MANEA: variants seen among roughly 807,000 people sequenced by gnomAD.
MANEA encodes the protein mannosidase endo-alpha.
A neutral mutation model predicts 36.8 loss-of-function variants in MANEA; 25 were observed. The ratio of observed to expected loss-of-function variants is 0.68; its 90% CI spans 0.50 to 0.95. MANEA has a LOEUF of 0.95. Among genes scored for constraint, MANEA ranks in the 40% least tolerant of loss-of-function variants. MANEA has a pLI of 0.00. For missense variants in MANEA, 565 were observed against 558.8 expected (o/e 1.01, Z -0.11); for synonymous variants, 198 against 188.5 (o/e 1.05, Z -0.41).
In MANEA at chr6:95,606,445, T is replaced by G. The variant is rs780620663; in HGVS notation, c.*40T>G. 3 of 1,451,090 alleles carry G rather than the reference T, an allele frequency of 2.1e-6. No homozygotes were observed. The highest frequency in any genetic ancestry group is 1.4e-5 in the African/African-American group (1 of 70,454). The allele number at this position is 1,451,090 out of a possible 1,614,324, so 89.9% of individuals were successfully genotyped here. ...TTTAATAGTTATCAAAATCACCTAATTTTTAAAAATAGCTTTCGTTTTGAG... is the reference window on the plus strand; with the variant it reads ...TTTAATAGTTATCAAAATCACCTAAGTTTTAAAAATAGCTTTCGTTTTGAG... On this transcript the variant is annotated 3_prime_UTR_variant, in exon 5 of 5. Coordinates refer to ENST00000358812, the MANE Select transcript of MANEA (RefSeq NM_024641.4).
intron 3 of MANEA, among the ~76,000 whole-genome samples, chr6:95,599,646 G>C (rs938594180): frequency 8.5e-5 from 13 of 152,162 alleles, no homozygotes; most frequent in Non-Finnish European, 1.9e-4. Context: ...CATTAGTTTT[G>C]TCTTAATTTT....
chr6:95,593,254 A>G (rs1255266107), intron 2 of MANEA, among the ~76,000 whole-genome samples: 1 of 152,250 alleles, frequency 6.6e-6, no homozygotes, highest in Non-Finnish European at 1.5e-5. Flanking sequence ...ATTCAGTGCC[A>G]CAGTCCAGAA....
intron 1 of MANEA, among the ~76,000 whole-genome samples, chr6:95,579,740 A>G (rs1769144537): frequency 6.6e-6 from 1 of 152,158 alleles, no homozygotes; most frequent in Admixed American, 6.5e-5. Context: ...AGCTAGCTGG[A>G]TATGTCCAAT....
rs1175576256 is a variant in MANEA, at chr6:95,609,032, T to G, written c.*2627T>G. On this transcript the variant is annotated 3_prime_UTR_variant, in exon 5 of 5. Coordinates refer to ENST00000358812, the MANE Select transcript of MANEA (RefSeq NM_024641.4). ...TGTTAATTCTTAGAGAGGAAAACTT[T>G]CAAAATCTTCCTCAGGTATTTATTA... 1 of 151,824 alleles carries G rather than the reference T, an allele frequency of 6.6e-6. No individual in the cohort carries two copies. The highest frequency in any genetic ancestry group is 1.5e-5 in the Non-Finnish European group (1 of 67,766). The allele number at this position is 151,824 out of a possible 1,614,324, so 9.4% of individuals were successfully genotyped here.
At chr6:95,590,549 G>A (rs1769368066) in intron 2 of MANEA, among the ~76,000 whole-genome samples, 1 of 152,154 alleles carries the variant, frequency 6.6e-6, no homozygotes, top group Non-Finnish European at 1.5e-5. Context: ...AAGTCACAAT[G>A]AGATGAATTA....
At chr6:95,597,690 C>CT (rs896553927) in intron 3 of MANEA, among the ~76,000 whole-genome samples, 11 of 151,790 alleles carry the variant, frequency 7.2e-5, no homozygotes, top group African/African-American at 2.7e-4. Context: ...GAGAATAACT[C>CT]TGAAATTTAA....
Position 95,606,304 on chromosome 6 carries a change from CAT to C in MANEA, c.1290_1291del (p.His430GlnfsTer14), listed in dbSNP as rs1168789679. 6.2e-7 allele frequency: 1 copy of C among 1,612,416 alleles called. No individual in the cohort carries two copies. The highest frequency in any genetic ancestry group is 1.1e-5 in the South Asian group (1 of 91,076). On this transcript the variant is annotated frameshift_variant, in exon 5 of 5. Coordinates refer to ENST00000358812, the MANE Select transcript of MANEA (RefSeq NM_024641.4). LOFTEE classifies it high-confidence loss of function. Reference sequence around the variant, plus strand: ...TACAGTGTACCTAGATTACCGTCCTCATAAACCAGGTCTTTACCTAGAACTGA... The same window carrying C: ...TACAGTGTACCTAGATTACCGTCCTCAAACCAGGTCTTTACCTAGAACTGA... Reference protein sequence around the residue: ...SNTVYLDYRPHKPGLYLELTR... With the variant: ...SNTVYLDYRPXKPGLYLELTR...
At chr6:95,592,389 A>C (rs769816664) in intron 2 of MANEA, among the ~76,000 whole-genome samples, 2 of 152,108 alleles carry the variant, frequency 1.3e-5, no homozygotes, top group African/African-American at 2.4e-5. Context: ...GATGATTCCA[A>C]CGTATCTCAT....
chr6:95,604,782 A>G (rs557856102), intron 3 of MANEA, 45 bp from the exon 4 acceptor site: 2 of 759,614 alleles, frequency 2.6e-6, no homozygotes, highest in African/African-American at 3.7e-5. Flanking sequence ...CTAATTTTAC[A>G]TTATAGATAA....
At chr6:95,591,996 C>T (rs2127941344) in intron 2 of MANEA, among the ~76,000 whole-genome samples, 1 of 152,328 alleles carries the variant, frequency 6.6e-6, no homozygotes, top group East Asian at 1.9e-4. Flanking sequence ...GCCACCGTGT[C>T]CAGCCTGATT....
intron 1 of MANEA, among the ~76,000 whole-genome samples, chr6:95,583,958 C>T (rs973007749): frequency 3.3e-5 from 5 of 152,162 alleles, no homozygotes; most frequent in Non-Finnish European, 7.4e-5. Flanking sequence ...TCAGGGACCC[C>T]GAACGGAGGG....
chr6:95,596,811 A>G lies in MANEA; in HGVS notation c.619A>G (p.Thr207Ala). The G allele has an allele frequency of 1.3e-6, 2 of 1,599,836 alleles. No individual in the cohort carries two copies. The highest frequency in any genetic ancestry group is 1.7e-6 in the Non-Finnish European group (2 of 1,167,446). The change falls in exon 3 of 5, where the codon ACT (threonine) becomes GCT (alanine). Residue 207 changes from threonine to alanine, a missense_variant. Physicochemically the swap from Thr to Ala is moderately conservative, Grantham distance 58 (BLOSUM62 0). Coordinates refer to ENST00000358812, the MANE Select transcript of MANEA (RefSeq NM_024641.4). ...NGEPTDNLVP[T>A]ILDKAHKYNL... ...AGAACCTACTGATAACTTGGTACCC[A>G]CTATTTTGGATAAAGCTCATAAATA... is the stretch of plus-strand genomic sequence containing the variant.
chr6:95,582,173 C>CTTTTTTT (rs67978183), intron 1 of MANEA, among the ~76,000 whole-genome samples: 7 of 79,386 alleles, frequency 8.8e-5, no homozygotes, highest in Non-Finnish European at 1.3e-4. Flanking sequence ...GTTGTATCAT[C>CTTTTTTT]TTTTTTTTTT....
At chr6:95,605,022 T>C in intron 4 of MANEA, 119 bp downstream of exon 4, 1 of 403,016 alleles carries the variant, frequency 2.5e-6, no homozygotes. Context: ...CCATTTTTAA[T>C]AAAATTAAAT....
chr6:95,586,279 T>C, intron 1 of MANEA, 123 bp from the exon 2 acceptor site: 1 of 607,482 alleles, frequency 1.6e-6, no homozygotes, highest in Non-Finnish European at 2.9e-6. Context: ...TTCACCAATA[T>C]GTGATGAAAT....
Position 95,604,847 on chromosome 6 carries a change from A to G in MANEA, c.675A>G (p.Pro225=). 2.0e-6 allele frequency: 3 copies of G among 1,482,070 alleles called. No homozygotes were observed. The highest frequency in any genetic ancestry group is 1.4e-5 in the South Asian group (1 of 73,780). The allele number at this position is 1,482,070 out of a possible 1,614,324, so 91.8% of individuals were successfully genotyped here. The stretch of plus-strand genomic sequence containing the variant: ...TTTAGGTTACTTTTCACATAGAACC[A>G]TATAGCAATCGAGATGATCAAAACA... ...YNLKVTFHIE[P]YSNRDDQNMY... Residue 225 remains proline (P), a synonymous_variant, in exon 4 of 5, where the codon CCA becomes CCG. Transcript: ENST00000358812.
At chr6:95,596,278 T>C (rs772440150) in intron 2 of MANEA, among the ~76,000 whole-genome samples, 1 of 152,128 alleles carries the variant, frequency 6.6e-6, no homozygotes, top group Non-Finnish European at 1.5e-5. Flanking sequence ...GCATATGGTA[T>C]AATAGATTTG....
intron 3 of MANEA, among the ~76,000 whole-genome samples, chr6:95,598,606 C>G (rs1259155244): frequency 6.6e-6 from 1 of 151,900 alleles, no homozygotes; most frequent in African/African-American, 2.4e-5. Context: ...CGTGTTAATA[C>G]TTCTGTCCCA....
intron 1 of MANEA, among the ~76,000 whole-genome samples, chr6:95,585,755 TGTTA>T (rs879480082): frequency 7.2e-5 from 11 of 152,258 alleles, no homozygotes; most frequent in Admixed American, 3.3e-4. Flanking sequence ...TTTATGAAAT[TGTTA>T]GTTAAAAATT....
Sources: allele counts gnomAD v4.1 joint callset (sites outside exome capture counted in the v4.1 genomes callset), GRCh38; gene constraint gnomAD v4.1.1; transcripts MANE v1.5; gene names NCBI Gene and HGNC (gene_info 2026-07-23, HGNC 2026-07-21).